The following EIF1B variants were observed in gnomAD, a reference collection of about 807,000 sequenced individuals.
EIF1B encodes eukaryotic translation initiation factor 1B.
A neutral mutation model predicts 14.8 loss-of-function variants in EIF1B; 5 were observed. That is an observed-to-expected ratio of 0.34 (90% CI 0.18 to 0.71). The LOEUF is 0.71. Among genes scored for constraint, EIF1B ranks in the 30% least tolerant of loss-of-function variants. EIF1B has a pLI of 0.64. For synonymous variants in EIF1B, 45 were observed against 45.8 expected, an observed-to-expected ratio of 0.98 and a Z score of 0.07; for missense variants, 56 against 134.0, an observed-to-expected ratio of 0.42 and a Z score of 2.87.
chr3:40,310,052 G>T (rs1362823601), intron 1 of EIF1B, 80 bp downstream of exon 1: 1 of 1,581,564 alleles, frequency 6.3e-7, no homozygotes. Flanking sequence ...CCGCCCCTAG[G>T]GGCCCCCTTT....
chr3:40,310,787 T>G, intron 1 of EIF1B, 106 bp from the exon 2 acceptor site: 1 of 1,280,282 alleles, frequency 7.8e-7, no homozygotes, highest in South Asian at 1.7e-5. Flanking sequence ...CACTAGAACC[T>G]TCATTGATGA....
chr3:40,311,898 C>T (rs964587446), intron 3 of EIF1B, 72 bp from the exon 4 acceptor site: 28 of 1,192,890 alleles, frequency 2.3e-5, no homozygotes, highest in Non-Finnish European at 3.4e-5. Flanking sequence ...TTTTTAATTA[C>T]TCTTCCATGT....
intron 1 of EIF1B, among the ~76,000 whole-genome samples, chr3:40,310,209 C>T (rs1167190925): frequency 1.3e-5 from 2 of 152,272 alleles, no homozygotes; most frequent in Non-Finnish European, 2.9e-5. Flanking sequence ...CACCCCCTGC[C>T]CCGTCCTTGA....
Position 40,309,738 on chromosome 3 carries a change from C to T in EIF1B, c.-204C>T, listed in dbSNP as rs545733731. Reference sequence around the variant, plus strand: ...CCGCAGCGCCGCCTCTTCTCTCGCGCCCTCGCCTCTTCCTCCGCCTCCTCC... The same window carrying T: ...CCGCAGCGCCGCCTCTTCTCTCGCGTCCTCGCCTCTTCCTCCGCCTCCTCC... On this transcript the variant is annotated 5_prime_UTR_variant, in exon 1 of 4. Coordinates refer to ENST00000232905, the MANE Select transcript of EIF1B (RefSeq NM_005875.3). 110 of 596,692 alleles carry T rather than the reference C, an allele frequency of 1.8e-4. No individual in the cohort carries two copies. Among genetic ancestry groups the T allele is most frequent in the African/African-American group, 1.7e-3 (91 of 53,568 alleles). The allele number at this position is 596,692 out of a possible 1,614,324, so 37.0% of individuals were successfully genotyped here. A position where few individuals can be genotyped will look rare whatever the true frequency, so the allele number is the denominator to read the frequency against.
At chr3:40,310,736 T>A in intron 1 of EIF1B, 157 bp from the exon 2 acceptor site, 1 of 656,786 alleles carries the variant, frequency 1.5e-6, no homozygotes, top group South Asian at 2.5e-5. Context: ...TTATTAATAC[T>A]CCACCCCCAT....
At chr3:40,311,224 C>T in intron 2 of EIF1B, 168 bp downstream of exon 2, 1 of 676,092 alleles carries the variant, frequency 1.5e-6, no homozygotes, top group African/African-American at 1.8e-5. Flanking sequence ...TGTGGTCTCT[C>T]ATTTTAAAAG....
chr3:40,310,921 C>T lies in EIF1B; in HGVS notation c.60C>T (p.Asp20=). Residue 20 remains aspartate, a synonymous_variant, in exon 2 of 4, where the codon GAC becomes GAT. Coordinates refer to ENST00000232905, the MANE Select transcript of EIF1B (RefSeq NM_005875.3). The part of the protein sequence containing the change: ...FDPFADATKG[D]DLLPAGTEDY... ...CCTTTGCTGATGCAACTAAGGGTGA[C>T]GACTTACTCCCGGCAGGGACTGAGG... 1.9e-6 allele frequency: 3 copies of T among 1,610,304 alleles called. No homozygotes were observed. Among genetic ancestry groups the T allele is most frequent in the Non-Finnish European group, 1.7e-6 (2 of 1,178,594 alleles).
In EIF1B at chr3:40,309,784, C is replaced by T. The variant is rs1402383579; in HGVS notation, c.-158C>T. On this transcript the variant is annotated 5_prime_UTR_variant, in exon 1 of 4. Coordinates refer to ENST00000232905, the MANE Select transcript of EIF1B (RefSeq NM_005875.3). ...CCTCCTTCGCCTCTTCCTGCCTCCT[C>T]CCGGCTTCCGCCGCCGCCACTCCAG... is the stretch of plus-strand genomic sequence containing the variant. The T allele has an allele frequency of 1.1e-5, 9 of 817,658 alleles. No homozygotes were observed. The highest frequency in any genetic ancestry group is 3.4e-5 in the African/African-American group (2 of 58,478). 50.7% of individuals were successfully genotyped at this position (817,658 alleles called of 1,614,324 possible).
In EIF1B at chr3:40,312,274, C is replaced by G. The variant is rs1476421088; in HGVS notation, c.*260C>G. On this transcript the variant is annotated 3_prime_UTR_variant, in exon 4 of 4. Coordinates refer to ENST00000232905, the MANE Select transcript of EIF1B (RefSeq NM_005875.3). ...GAAAATGTTTTGAGTGTTTATTGTT[C>G]AGTTTATTACGTTTCACTTGATTAA... 2.7e-6 allele frequency: 1 copy of G among 369,246 alleles called. No individual in the cohort carries two copies. Among genetic ancestry groups the G allele is most frequent in the Non-Finnish European group, 4.7e-6 (1 of 212,550 alleles). The allele number at this position is 369,246 out of a possible 1,614,324, so 22.9% of individuals were successfully genotyped here.
rs1011856089 is a variant in EIF1B, at chr3:40,312,226, A to G, written c.*212A>G. 1.9e-6 allele frequency: 1 copy of G among 522,624 alleles called. No homozygotes were observed. The highest frequency in any genetic ancestry group is 1.9e-5 in the African/African-American group (1 of 51,398). The allele number at this position is 522,624 out of a possible 1,614,324, so 32.4% of individuals were successfully genotyped here. A position where few individuals can be genotyped will look rare whatever the true frequency, so the allele number is the denominator to read the frequency against. On this transcript the variant is annotated 3_prime_UTR_variant, in exon 4 of 4. Coordinates refer to ENST00000232905, the MANE Select transcript of EIF1B (RefSeq NM_005875.3). ...CAGTAAGATGGTAACAAAACCTCAT[A>G]TTGTCTTTACATGTTTCCAATGGAA...
At position 40,312,382 on chromosome 3, in the gene EIF1B, T is replaced by C; in HGVS notation, c.*368T>C. On this transcript the variant is annotated 3_prime_UTR_variant, in exon 4 of 4. Coordinates refer to ENST00000232905, the MANE Select transcript of EIF1B (RefSeq NM_005875.3). ...TATGAATCTTTGTGAGCAATTATGC[T>C]CCCAAATCTAAGCAAGTAAAATACA... 5.3e-6 allele frequency: 1 copy of C among 190,274 alleles called. No homozygotes were observed. Among genetic ancestry groups the C allele is most frequent in the South Asian group, 1.1e-4 (1 of 8,922 alleles). 11.8% of individuals were successfully genotyped at this position (190,274 alleles called of 1,614,324 possible).
rs1301438438 is a variant in EIF1B, at chr3:40,312,097, C to A, written c.*83C>A. The A allele has an allele frequency of 1.1e-6, 1 of 932,718 alleles. No individual in the cohort carries two copies. The highest frequency in any genetic ancestry group is 1.9e-5 in the Admixed American group (1 of 51,662). 57.8% of individuals were successfully genotyped at this position (932,718 alleles called of 1,614,324 possible). ...GGCTGCCTTGTGAAATGATTCCCTGCAGTAAACGGACTTTTCATTTATTTA... is the reference window on the plus strand; with the variant it reads ...GGCTGCCTTGTGAAATGATTCCCTGAAGTAAACGGACTTTTCATTTATTTA... On this transcript the variant is annotated 3_prime_UTR_variant, in exon 4 of 4. Transcript: ENST00000232905.
intron 1 of EIF1B, among the ~76,000 whole-genome samples, chr3:40,310,198 C>T (rs111864388): frequency 1.1e-4 from 17 of 152,368 alleles, no homozygotes; most frequent in African/African-American, 3.8e-4. Context: ...GGGCCCTGCG[C>T]CACCCCCTGC....
chr3:40,311,537 AC>A lies in EIF1B; in HGVS notation c.265del (p.Gln89LysfsTer15). 1 of 1,613,890 alleles carries A rather than the reference AC, an allele frequency of 6.2e-7. No homozygotes were observed. The highest frequency in any genetic ancestry group is 8.5e-7 in the Non-Finnish European group (1 of 1,179,870). On this transcript the variant is annotated frameshift_variant, in exon 3 of 4. Coordinates refer to ENST00000232905, the MANE Select transcript of EIF1B (RefSeq NM_005875.3). LOFTEE classifies it high-confidence loss of function. ...EYGEVIQLQG[D>X]QRKNICQFLL... ...GGAGAGGTTATTCAGCTTCAAGGTG[AC>A]CAAAGAAAAAACATCTGCCAGTTTC...
chr3:40,311,559 G>A lies in EIF1B; in HGVS notation c.285G>A (p.Gln95=), dbSNP rs1420826236. ...LQGDQRKNIC[Q]FLLEVGIVKE... ...GTGACCAAAGAAAAAACATCTGCCA[G>A]TTTCTCTTGGAGGTGAGTGATTGGG... Residue 95 remains glutamine, a synonymous_variant, in exon 3 of 4, where the codon CAG becomes CAA. Coordinates refer to ENST00000232905, the MANE Select transcript of EIF1B (RefSeq NM_005875.3). 23 of 1,613,284 alleles carry A rather than the reference G, an allele frequency of 1.4e-5. No individual in the cohort carries two copies. Among genetic ancestry groups the A allele is most frequent in the Non-Finnish European group, 1.9e-5 (23 of 1,179,578 alleles).
rs1360311571 is a variant in EIF1B at position 40,310,928 on chromosome 3, C to T, written c.67C>T (p.Leu23Phe). 3 of 1,611,082 alleles carry T rather than the reference C, an allele frequency of 1.9e-6. No homozygotes were observed. The highest frequency in any genetic ancestry group is 1.1e-5 in the South Asian group (1 of 90,894). Residue 23 changes from leucine to phenylalanine, a missense_variant, in exon 2 of 4, where the codon CTC (leucine) becomes TTC (phenylalanine). By Grantham distance (22) the Leu-to-Phe change is conservative. This residue lies in a region of EIF1B where 20 missense variants were observed against 29.2 expected (regional missense o/e 0.69). Transcript: ENST00000232905. ...TGATGCAACTAAGGGTGACGACTTACTCCCGGCAGGGACTGAGGATTACAT... is the reference window on the plus strand; with the variant it reads ...TGATGCAACTAAGGGTGACGACTTATTCCCGGCAGGGACTGAGGATTACAT... ...FADATKGDDLLPAGTEDYIHI... is the reference protein window; with the variant it reads ...FADATKGDDLFPAGTEDYIHI...
At position 40,311,134 on chromosome 3, in the gene EIF1B, G is replaced by A. The variant is rs1575707637; in HGVS notation, c.195+78G>A. The A allele has an allele frequency of 4.3e-6, 6 of 1,387,178 alleles. No homozygotes were observed. The South Asian group carries it at 5.9e-5, about 14-fold the overall frequency. The allele number at this position is 1,387,178 out of a possible 1,614,324, so 85.9% of individuals were successfully genotyped here. On this transcript the variant is annotated intron_variant, in intron 2 of 3. Transcript: ENST00000232905. ...GGATTATGATTCACACCTTTATATC[G>A]GCGTGGATGAAAATAACTAGACCAA...
chr3:40,310,109 A>G lies in EIF1B; in HGVS notation c.31+137A>G, dbSNP rs1954305682. 8 of 1,238,670 alleles carry G rather than the reference A, an allele frequency of 6.5e-6. No individual in the cohort carries two copies. The East Asian group carries it at 7.2e-5, about 11-fold the overall frequency. The allele number at this position is 1,238,670 out of a possible 1,614,324, so 76.7% of individuals were successfully genotyped here. On this transcript the variant is annotated intron_variant, in intron 1 of 3. Coordinates refer to ENST00000232905, the MANE Select transcript of EIF1B (RefSeq NM_005875.3). ...TGGGGCTTTGTCTCGGCGCCCAGAA[A>G]ATGGCGACGGGGCCCCTGGCGACCC...
rs1402173747 is a variant in EIF1B, at chr3:40,312,316, A to G, written c.*302A>G. Reference sequence around the variant, plus strand: ...CTTGATTAAATTTTTTTGTTGTTGTATTAAACCATGTACGTTGCAGCTTAA... The same window carrying G: ...CTTGATTAAATTTTTTTGTTGTTGTGTTAAACCATGTACGTTGCAGCTTAA... On this transcript the variant is annotated 3_prime_UTR_variant, in exon 4 of 4. Coordinates refer to ENST00000232905, the MANE Select transcript of EIF1B (RefSeq NM_005875.3). The G allele has an allele frequency of 3.3e-5, 9 of 272,496 alleles. No homozygotes were observed. The South Asian group carries it at 5.6e-4, about 17-fold the overall frequency. 16.9% of individuals were successfully genotyped at this position (272,496 alleles called of 1,614,324 possible). A position where few individuals can be genotyped will look rare whatever the true frequency, so the allele number is the denominator to read the frequency against.
Sources: allele counts gnomAD v4.1 joint callset (sites outside exome capture counted in the v4.1 genomes callset), GRCh38; gene constraint gnomAD v4.1.1; regional missense constraint gnomAD v4.1.1; transcripts MANE v1.5; gene names NCBI Gene and HGNC (gene_info 2026-07-23, HGNC 2026-07-21).